The following MDM2 variants were observed in gnomAD, a reference collection of about 807,000 sequenced individuals.
MDM2 encodes the protein MDM2 proto-oncogene.
Under a neutral mutation model 64.3 loss-of-function variants are expected in MDM2, and 11 were observed. That is an observed-to-expected ratio of 0.17 (90% CI 0.11 to 0.28). The LOEUF (loss-of-function observed/expected upper bound fraction) is 0.28. Ranked by LOEUF, MDM2 falls within the 10% of genes least tolerant of loss-of-function variation. MDM2 has a pLI of 1.00. For missense variants in MDM2, 388 were observed against 577.1 expected, an observed-to-expected ratio of 0.67 and a Z score of 3.36; for synonymous variants, 194 against 192.9, an observed-to-expected ratio of 1.01 and a Z score of -0.05.
At chr12:68,836,608 T>G (rs1565746260) in intron 9 of MDM2, 64 bp from the exon 10 acceptor site, 4 of 1,093,328 alleles carry the variant, frequency 3.7e-6, no homozygotes, top group Non-Finnish European at 5.7e-6. Context: ...GACTTATTAC[T>G]AGGAAGCCTT....
chr12:68,849,441 GTC>G (rs1232144780), downstream of MDM2: 1 of 145,376 alleles, frequency 6.9e-6, no homozygotes, highest in Non-Finnish European at 1.5e-5. Flanking sequence ...TTTTGAGACA[GTC>G]TCTCACTCCA....
intron 8 of MDM2, among the ~76,000 whole-genome samples, chr12:68,830,184 A>G (rs776992213): frequency 3.3e-5 from 5 of 152,112 alleles, no homozygotes; most frequent in Non-Finnish European, 7.3e-5. Flanking sequence ...TTTTGGTAAT[A>G]TGGCAGTGTC....
intron 8 of MDM2, 100 bp from the exon 9 acceptor site, chr12:68,835,729 A>G: frequency 1.7e-6 from 2 of 1,166,436 alleles, no homozygotes; most frequent in Non-Finnish European, 2.4e-6. Flanking sequence ...CAACTGTTAC[A>G]CCCTGCTGGC....
chr12:68,808,418 C>T lies in MDM2; in HGVS notation c.-60C>T, dbSNP rs1464070560. 4.3e-6 allele frequency: 7 copies of T among 1,612,782 alleles called. No homozygotes were observed. The highest frequency in any genetic ancestry group is 5.9e-6 in the Non-Finnish European group (7 of 1,179,186). On this transcript the variant is annotated 5_prime_UTR_variant, in exon 1 of 11. Transcript: ENST00000258149. ...GCCCAGGGCGTCGTGCTTCCGCGCG[C>T]CCCGTGAAGGAAACTGGGGAGTCTT...
rs775806476 is a variant in MDM2 at position 68,824,664 on chromosome 12, A to G, written c.523+13A>G. On this transcript the variant is annotated intron_variant, in intron 7 of 10. Transcript: ENST00000258149. Reference sequence around the variant, plus strand: ...ATTAGTGAGACAGGTATATATGAATATTTATTTGACGCATTCACACAGCTT... The same window carrying G: ...ATTAGTGAGACAGGTATATATGAATGTTTATTTGACGCATTCACACAGCTT... The G allele has an allele frequency of 1.3e-6, 2 of 1,501,374 alleles. No individual in the cohort carries two copies. The highest frequency in any genetic ancestry group is 1.2e-5 in the South Asian group (1 of 85,448). The allele number at this position is 1,501,374 out of a possible 1,614,324, so 93.0% of individuals were successfully genotyped here.
chr12:68,808,936 C>T (rs1039477798), intron 1 of MDM2: 4 of 1,376,204 alleles, frequency 2.9e-6, no homozygotes, highest in Non-Finnish European at 9.4e-7. Context: ...CAAGTTCAGA[C>T]ACGTTCCGAA....
chr12:68,808,743 A>G (rs1446700878), intron 1 of MDM2, among the ~76,000 whole-genome samples: 1 of 142,948 alleles, frequency 7.0e-6, no homozygotes, highest in Admixed American at 6.9e-5. Flanking sequence ...GGTGGTTCGG[A>G]GGTCTCCGCG....
chr12:68,809,186 C>A (rs757799734), intron 1 of MDM2, 22 bp from the exon 2 acceptor site: 17 of 1,607,700 alleles, frequency 1.1e-5, no homozygotes, highest in Non-Finnish European at 1.4e-5. Context: ...CAGTTTTCAT[C>A]GTGTCTTTTT....
chr12:68,829,029 C>T (rs3730607), intron 8 of MDM2, 98 bp downstream of exon 8: 19,575 of 1,197,718 alleles, frequency 0.016, 206 homozygotes, highest in Non-Finnish European at 0.019. Flanking sequence ...ATGTGTCTTA[C>T]GAGATTGATA....
At chr12:68,830,385 A>G (rs1392385708) in intron 8 of MDM2, among the ~76,000 whole-genome samples, 1 of 152,104 alleles carries the variant, frequency 6.6e-6, no homozygotes, top group Non-Finnish European at 1.5e-5. Context: ...TACCTAACGG[A>G]GCTGTTACTT....
At position 68,844,457 on chromosome 12, in the gene MDM2, C is replaced by A; in HGVS notation, c.*4608C>A. On this transcript the variant is annotated 3_prime_UTR_variant, in exon 11 of 11. Coordinates refer to ENST00000258149, the MANE Select transcript of MDM2 (RefSeq NM_002392.6). ...GTCTTCTCTTAGGTCACATGGCAGC[C>A]TGGCCTAAGTGATCGTGAATGGTCT... 1 of 228,380 alleles carries A rather than the reference C, an allele frequency of 4.4e-6. No homozygotes were observed. 14.1% of individuals were successfully genotyped at this position (228,380 alleles called of 1,614,324 possible).
intron 10 of MDM2, among the ~76,000 whole-genome samples, chr12:68,838,665 T>C (rs1393391187): frequency 1.3e-5 from 2 of 152,148 alleles, no homozygotes; most frequent in African/African-American, 4.8e-5. Context: ...ACTCTTGGAA[T>C]AGCGCCTAGG....
chr12:68,818,033 A>G (rs2136123854), intron 4 of MDM2, among the ~76,000 whole-genome samples: 1 of 152,236 alleles, frequency 6.6e-6, no homozygotes, highest in African/African-American at 2.4e-5. Flanking sequence ...ACCTTCGGTA[A>G]TCCACCTGCC....
chr12:68,841,047 T>C lies in MDM2; in HGVS notation c.*1198T>C, dbSNP rs1446674420. 1 of 181,278 alleles carries C rather than the reference T, an allele frequency of 5.5e-6. No homozygotes were observed. The highest frequency in any genetic ancestry group is 1.2e-5 in the Non-Finnish European group (1 of 85,186). The allele number at this position is 181,278 out of a possible 1,614,324, so 11.2% of individuals were successfully genotyped here. A position where few individuals can be genotyped will look rare whatever the true frequency, so the allele number is the denominator to read the frequency against. ...TTTTAGTAAAGACAGGGTTTCACCA[T>C]GTTAGCCAGGCTGATCTTGAACTCC... On this transcript the variant is annotated 3_prime_UTR_variant, in exon 11 of 11. Coordinates refer to ENST00000258149, the MANE Select transcript of MDM2 (RefSeq NM_002392.6).
Position 68,842,535 on chromosome 12 carries a change from CAG to C in MDM2, c.*2688_*2689del, listed in dbSNP as rs1555189311. 7 of 336,386 alleles carry C rather than the reference CAG, an allele frequency of 2.1e-5. No individual in the cohort carries two copies. Among genetic ancestry groups the C allele is most frequent in the African/African-American group, 7.9e-5 (2 of 25,410 alleles). The allele number at this position is 336,386 out of a possible 1,614,324, so 20.8% of individuals were successfully genotyped here. On this transcript the variant is annotated 3_prime_UTR_variant, in exon 11 of 11. Coordinates refer to ENST00000258149, the MANE Select transcript of MDM2 (RefSeq NM_002392.6). ...ATCATCTACATTGCTGTCTACAAAA[CAG>C]ATAATATGGATGTTTGATCGCATCT...
chr12:68,836,116 C>T, intron 9 of MDM2, 132 bp downstream of exon 9: 1 of 764,820 alleles, frequency 1.3e-6, no homozygotes, highest in Non-Finnish European at 2.0e-6. Context: ...TTTAAACTAA[C>T]ACATTGGTTT....
At position 68,839,994 on chromosome 12, in the gene MDM2, G is replaced by C. The variant is rs1017447047; in HGVS notation, c.*145G>C. 1.4e-5 allele frequency: 10 copies of C among 705,846 alleles called. No individual in the cohort carries two copies. The highest frequency in any genetic ancestry group is 2.3e-5 in the Non-Finnish European group (10 of 441,068). 43.7% of individuals were successfully genotyped at this position (705,846 alleles called of 1,614,324 possible). On this transcript the variant is annotated 3_prime_UTR_variant, in exon 11 of 11. Coordinates refer to ENST00000258149, the MANE Select transcript of MDM2 (RefSeq NM_002392.6). The stretch of plus-strand genomic sequence containing the variant: ...CTCTTTAGTATAATTGACCTACTTT[G>C]GTAGTGGAATAGTGAATACTTACTA...
chr12:68,816,051 T>C lies in MDM2; in HGVS notation c.175-761T>C, dbSNP rs1440076331. Among the ~76,000 whole-genome samples, 5 of 152,280 alleles carry C rather than the reference T, an allele frequency of 3.3e-5. 1 individual carries two copies. Among genetic ancestry groups the C allele is most frequent in the Admixed American group, 2.0e-4 (3 of 15,292 alleles). On this transcript the variant is annotated intron_variant, in intron 3 of 10. Transcript: ENST00000258149. ...CTCTCAAACTGTTTTGTAGCTGTCA[T>C]TGATTGATTGTTTTTCTGTCTTCCT... is the stretch of plus-strand genomic sequence containing the variant.
At chr12:68,818,275 TAA>T (rs1881556300) in intron 4 of MDM2, among the ~76,000 whole-genome samples, 1 of 152,192 alleles carries the variant, frequency 6.6e-6, no homozygotes, top group South Asian at 2.1e-4. Context: ...TTTATTTTAT[TAA>T]AAAACATAAC....
Sources: gnomAD v4.1 joint callset for allele counts (sites outside exome capture counted in the v4.1 genomes callset) on GRCh38, gnomAD v4.1.1 for gene constraint, MANE v1.5 for transcripts, NCBI Gene and HGNC (gene_info 2026-07-23, HGNC 2026-07-21) for gene names.